Variants in NEB observed in about 807,000 individuals in gnomAD.
NEB encodes the protein nemaline myopathy type 2.
In NEB, 512 loss-of-function variants were observed where a neutral mutation model predicts 952.2. The ratio of observed to expected loss-of-function variants is 0.54; its 90% CI spans 0.50 to 0.58. NEB has a LOEUF of 0.58. NEB is among the 20% of genes least tolerant of loss of function. The probability of loss-of-function intolerance (pLI) is 0.00; values close to 1 mark genes in which losing one functional copy is unlikely to be tolerated. For synonymous variants in NEB, 2,900 were observed against 3,149.8 expected (o/e 0.92, Z 2.66); for missense variants, 8,428 against 9,231.1 (o/e 0.91, Z 3.56).
intron 38 of NEB, among the ~76,000 whole-genome samples, chr2:151,669,568 A>G (rs6712533): frequency 0.2 from 30,945 of 152,192 alleles, 4,546 homozygotes; most frequent in East Asian, 0.56. Flanking sequence ...GAGGAAGAGC[A>G]TTCGGGACCT....
In NEB at chr2:151,608,580, C is replaced by T. The variant is rs1294827955; in HGVS notation, c.12427G>A (p.Val4143Met). 3.0e-5 allele frequency: 4 copies of T among 133,632 alleles called. No individual in the cohort carries two copies. Among genetic ancestry groups the T allele is most frequent in the South Asian group, 9.1e-5 (1 of 10,972 alleles). 8.3% of individuals were successfully genotyped at this position (133,632 alleles called of 1,614,324 possible). A position where few individuals can be genotyped will look rare whatever the true frequency, so the allele number is the denominator to read the frequency against. Residue 4143 changes from valine to methionine, a missense_variant, in exon 82 of 182, where the codon GTG becomes ATG. Val to Met is a conservative substitution (Grantham distance 21). This residue lies in a region of NEB where 14 missense variants were observed against 46.4 expected (regional missense o/e 0.30). Transcript: ENST00000397345. ...CGTGTCCTATAGAGTCTTTCATTCA[C>T]GAGGTCTTGAGCAACCTTCACTCTG... ...MNRVKVAQDL[V>M]NERLYRTRPE...
intron 161 of NEB, among the ~76,000 whole-genome samples, chr2:151,509,937 G>A (rs1301687347): frequency 2.6e-5 from 4 of 152,154 alleles, no homozygotes; most frequent in African/African-American, 4.8e-5. Flanking sequence ...ACTGGTTACC[G>A]GGAGAAGGCC....
At chr2:151,536,279 G>C (rs1215706949) in intron 141 of NEB, among the ~76,000 whole-genome samples, 2 of 152,160 alleles carry the variant, frequency 1.3e-5, no homozygotes, top group Non-Finnish European at 2.9e-5. Context: ...TAGATGTCTT[G>C]AAAACTAGCC....
intron 161 of NEB, 90 bp from the exon 162 acceptor site, chr2:151,508,199 G>A (rs1267164381): frequency 2.6e-6 from 2 of 778,980 alleles, no homozygotes; most frequent in Non-Finnish European, 4.1e-6. Context: ...GCCCTTCCAG[G>A]CTCAGCAGAG....
Position 151,497,965 on chromosome 2 carries a change from G to T in NEB, c.24208-247C>A, listed in dbSNP as rs550314687. The T allele has an allele frequency of 4.2e-6, 6 of 1,435,344 alleles. No individual in the cohort carries two copies. In the East Asian group the frequency reaches 1.5e-4, roughly 36 times the overall value. 88.9% of individuals were successfully genotyped at this position (1,435,344 alleles called of 1,614,324 possible). On this transcript the variant is annotated intron_variant, in intron 170 of 181. Transcript: ENST00000397345. Reference sequence around the variant, plus strand: ...CCATGTTATTTTTTTTCATTTTTGTGAGTACGGTGCCTCCTAAACAATCAC... The same window carrying T: ...CCATGTTATTTTTTTTCATTTTTGTTAGTACGGTGCCTCCTAAACAATCAC...
chr2:151,502,762 A>AT (rs201290038), intron 167 of NEB, 31 bp downstream of exon 167: 38,109 of 1,015,428 alleles, frequency 0.038, 129 homozygotes, highest in East Asian at 0.15. Context: ...AAATTAAGGG[A>AT]TTTTTTTTTT....
rs1206630690 is a variant in NEB, at chr2:151,662,180, C to T, written c.5925G>A (p.Ser1975=). 1.2e-5 allele frequency: 19 copies of T among 1,613,302 alleles called. No individual in the cohort carries two copies. Among genetic ancestry groups the T allele is most frequent in the Non-Finnish European group, 1.6e-5 (19 of 1,179,582 alleles). ...DTLKYSTLMD[S]MNMVLAQNNA... ...TATTCTGGGCCAAAACCATGTTCAT[C>T]GAGTCCATGAGTGTGGAATACTTCA... Residue 1975 remains serine, a synonymous_variant, in exon 46 of 182, where the codon TCG becomes TCA. Coordinates refer to ENST00000397345, the MANE Select transcript of NEB (RefSeq NM_001164508.2).
intron 38 of NEB, among the ~76,000 whole-genome samples, chr2:151,670,069 T>A (rs1575694631): frequency 1.3e-5 from 2 of 152,166 alleles, no homozygotes; most frequent in Admixed American, 6.5e-5. Context: ...TGTGGAAGAC[T>A]TTATATAGTG....
chr2:151,725,578 T>C lies in NEB; in HGVS notation c.295-18A>G. 1 of 1,595,502 alleles carries C rather than the reference T, an allele frequency of 6.3e-7. No homozygotes were observed. The highest frequency in any genetic ancestry group is 1.1e-5 in the South Asian group (1 of 90,660). ...TATTTATTCTGAAAAGAATATCAGATATTAGCCTAACAAGACAGCAGTGAA... is the reference window on the plus strand; with the variant it reads ...TATTTATTCTGAAAAGAATATCAGACATTAGCCTAACAAGACAGCAGTGAA... On this transcript the variant is annotated intron_variant, in intron 5 of 181. Transcript: ENST00000397345.
At chr2:151,676,262 C>A (rs2099358377) in intron 34 of NEB, among the ~76,000 whole-genome samples, 1 of 152,170 alleles carries the variant, frequency 6.6e-6, no homozygotes, top group South Asian at 2.1e-4. Context: ...CCTTTAAGAA[C>A]AATATCTAAG....
chr2:151,687,431 T>C lies in NEB; in HGVS notation c.2625A>G (p.Lys875=), dbSNP rs1205199033. The C allele has an allele frequency of 6.2e-7, 1 of 1,613,164 alleles. No individual in the cohort carries two copies. The highest frequency in any genetic ancestry group is 8.5e-7 in the Non-Finnish European group (1 of 1,179,136). Residue 875 remains lysine, a synonymous_variant, in exon 27 of 182, where the codon AAA becomes AAG. Transcript: ENST00000397345. ...CAAAGACACTCACATCACTCTGGTT[T>C]TTGGCTGTCTTCAAGGAGTGCAGCA... ...PKMLHSLKTA[K]NQSDREYRKD... is the part of the protein sequence containing the mutation.
At chr2:151,553,753 G>C in intron 126 of NEB, 75 bp downstream of exon 126, 1 of 1,369,888 alleles carries the variant, frequency 7.3e-7, no homozygotes, top group Non-Finnish European at 9.9e-7. Flanking sequence ...GTAAAGAAAT[G>C]GGTGAGTTTG....
chr2:151,499,422 C>A, intron 168 of NEB, 32 bp from the exon 169 acceptor site: 1 of 1,287,344 alleles, frequency 7.8e-7, no homozygotes, highest in Non-Finnish European at 1.1e-6. Context: ...CCAGAAAAAA[C>A]AAGAGCAGTC....
intron 39 of NEB, 46 bp downstream of exon 39, chr2:151,668,981 A>G (rs1440129698): frequency 7.3e-7 from 1 of 1,372,054 alleles, no homozygotes; most frequent in Admixed American, 2.0e-5. Context: ...AGAACCAGAA[A>G]GGAGAGGCCC....
intron 124 of NEB, 113 bp downstream of exon 124, chr2:151,560,479 G>A (rs2095962979): frequency 5.0e-6 from 4 of 802,222 alleles, no homozygotes; most frequent in Non-Finnish European, 8.4e-6. Context: ...ATGCCCACGG[G>A]AGTGCTAGGG....
intron 64 of NEB, among the ~76,000 whole-genome samples, chr2:151,634,993 G>C (rs903160877): frequency 6.6e-6 from 1 of 152,126 alleles, no homozygotes; most frequent in Admixed American, 6.5e-5. Flanking sequence ...AGAAAGTGTA[G>C]GTGAGTCAGC....
rs777962427 is a variant in NEB at position 151,674,541 on chromosome 2, T to C, written c.3923A>G (p.Asn1308Ser). Residue 1308 changes from asparagine (N) to serine (S), a missense_variant, in exon 36 of 182, where the codon AAC becomes AGC. Physicochemically the swap from Asn to Ser is conservative, Grantham distance 46. This residue lies in a region of NEB where 2,851 missense variants were observed against 2,791.5 expected (regional missense o/e 1.02). Transcript: ENST00000397345. ...GGGAATAGCATCGCCCAGCACATTG[T>C]TGCCCTTGGCTATTAAGTCATACCA... ...RDWYDLIAKG[N>S]NVLGDAIPIT... 32 of 1,613,984 alleles carry C rather than the reference T, an allele frequency of 2.0e-5. No homozygotes were observed. In the South Asian group the frequency reaches 2.7e-4, roughly 14 times the overall value.
At chr2:151,536,035 T>C (rs948767453) in intron 141 of NEB, among the ~76,000 whole-genome samples, 2 of 152,146 alleles carry the variant, frequency 1.3e-5, no homozygotes, top group East Asian at 3.9e-4. Context: ...GCCTCCCAAG[T>C]AGGTGGGACT....
chr2:151,659,254 A>G, intron 46 of NEB, 85 bp from the exon 47 acceptor site: 2 of 703,132 alleles, frequency 2.8e-6, no homozygotes, highest in South Asian at 2.3e-5. Context: ...ATATATATCA[A>G]TATTTCATGT....
Sources: gnomAD v4.1 joint callset for allele counts (sites outside exome capture counted in the v4.1 genomes callset) on GRCh38, gnomAD v4.1.1 for gene constraint, gnomAD v4.1.1 regional missense constraint, MANE v1.5 for transcripts, NCBI Gene and HGNC (gene_info 2026-07-23, HGNC 2026-07-21) for gene names.